The following CLDN15 variants were observed in gnomAD, a reference collection of about 807,000 sequenced individuals.
The protein encoded by CLDN15 is claudin-15.
CLDN15 carries 9 observed loss-of-function variants against 24.5 expected under a neutral mutation model. The ratio of observed to expected loss-of-function variants is 0.37; its 90% CI spans 0.22 to 0.64. The LOEUF (loss-of-function observed/expected upper bound fraction) is 0.64, where lower values mean the gene tolerates loss of function less well. CLDN15 is among the 30% of genes least tolerant of loss of function. The pLI, the probability that CLDN15 is intolerant of heterozygous loss-of-function variation, is 0.63. For missense variants in CLDN15, 248 were observed against 305.9 expected (o/e 0.81, Z 1.41); for synonymous variants, 149 against 131.4 (o/e 1.13, Z -0.92).
chr7:101,237,930 AGACTTACCCTG>A, upstream of CLDN15: 2 of 352,212 alleles, frequency 5.7e-6, no homozygotes, highest in Non-Finnish European at 5.5e-6. This position sits in a 1 kb window ranked among gnomAD's most constrained non-coding sequence, Gnocchi z 4.0. Context: ...TGGGGGGGGC[AGACTTACCCTG>A]GAGCCACTGA....
chr7:101,236,813 G>A, intron 1 of CLDN15: 1 of 1,291,176 alleles, frequency 7.7e-7, no homozygotes, highest in Non-Finnish European at 1.0e-6. Context: ...TCCCTTCACA[G>A]GGGCCCTTTA....
In CLDN15 at chr7:101,237,271, G is replaced by A; in HGVS notation, c.217+94C>T. 3 of 835,712 alleles carry A rather than the reference G, an allele frequency of 3.6e-6. No individual in the cohort carries two copies. Among genetic ancestry groups the A allele is most frequent in the Admixed American group, 4.0e-5 (2 of 49,602 alleles). 51.8% of individuals were successfully genotyped at this position (835,712 alleles called of 1,614,324 possible). A position where few individuals can be genotyped will look rare whatever the true frequency, so the allele number is the denominator to read the frequency against. Reference sequence around the variant, plus strand: ...TCAGACCCGCAGAGCTTAATTCAGGGCTCCCTGCATCCTCACGGAAGTACC... The same window carrying A: ...TCAGACCCGCAGAGCTTAATTCAGGACTCCCTGCATCCTCACGGAAGTACC... On this transcript the variant is annotated intron_variant, in intron 1 of 4. Transcript: ENST00000308344. This position sits in a 1 kb window ranked among gnomAD's most constrained non-coding sequence, Gnocchi z 4.0.
chr7:101,234,236 C>A (rs202064618), intron 2 of CLDN15, 42 bp downstream of exon 2: 1 of 1,490,330 alleles, frequency 6.7e-7, no homozygotes, highest in Middle Eastern at 1.8e-4. Flanking sequence ...CTGAAGTCTG[C>A]GGTTGAGGGG....
chr7:101,237,819 C>A (rs373647714), upstream of CLDN15: 48 of 563,182 alleles, frequency 8.5e-5, no homozygotes, highest in South Asian at 7.1e-4. The surrounding 1 kb of genome is among the most constrained non-coding windows in gnomAD (Gnocchi z 4.0). Context: ...AGCCTGCGCG[C>A]GGCAGCTGTT....
At chr7:101,236,268 G>GT (rs1798621280) in intron 1 of CLDN15, among the ~76,000 whole-genome samples, 1 of 151,210 alleles carries the variant, frequency 6.6e-6, no homozygotes, top group Non-Finnish European at 1.5e-5. Flanking sequence ...TTTGGGGGGG[G>GT]GGCCCGCCGG....
In CLDN15 at chr7:101,234,264, C is replaced by A. The variant is rs200335801; in HGVS notation, c.382+14G>T. 1 of 1,596,694 alleles carries A rather than the reference C, an allele frequency of 6.3e-7. No homozygotes were observed. Among genetic ancestry groups the A allele is most frequent in the Admixed American group, 1.7e-5 (1 of 59,966 alleles). On this transcript the variant is annotated intron_variant, in intron 2 of 4. Transcript: ENST00000308344. ...TTGAGGGGGACCCCCGCCCCATCAC[C>A]TTCCCCCAGTTACCGGCCAGAATGT...
chr7:101,238,105 A>T, upstream of CLDN15: 1 of 193,956 alleles, frequency 5.2e-6, no homozygotes, highest in Admixed American at 5.3e-5. Context: ...AATAAGGGAC[A>T]GAGACGGAGA....
At chr7:101,232,953 A>C in intron 2 of CLDN15, 39 bp from the exon 3 acceptor site, 2 of 759,386 alleles carry the variant, frequency 2.6e-6, no homozygotes, top group Non-Finnish European at 4.0e-6. Flanking sequence ...GTCCAGGGGG[A>C]GGGATAGTGG....
intron 1 of CLDN15, chr7:101,236,686 G>T: frequency 8.0e-7 from 1 of 1,254,880 alleles, no homozygotes; most frequent in Non-Finnish European, 1.0e-6. Context: ...TGGGCCCAAA[G>T]AGCTGTTGGC....
rs1798644471 is a variant in CLDN15 at position 101,237,214 on chromosome 7, G to A, written c.217+151C>T. 4.6e-6 allele frequency: 3 copies of A among 658,278 alleles called. No homozygotes were observed. Among genetic ancestry groups the A allele is most frequent in the South Asian group, 3.5e-5 (2 of 57,648 alleles). The allele number at this position is 658,278 out of a possible 1,614,324, so 40.8% of individuals were successfully genotyped here. A position where few individuals can be genotyped will look rare whatever the true frequency, so the allele number is the denominator to read the frequency against. ...AGGTCTTCACTCCAGTTCTAGGCAT[G>A]GGCCGCCCCCAGCACTCCTGGCTGC... On this transcript the variant is annotated intron_variant, in intron 1 of 4. Coordinates refer to ENST00000308344, the MANE Select transcript of CLDN15 (RefSeq NM_014343.3). The surrounding 1 kb of genome is among the most constrained non-coding windows in gnomAD (Gnocchi z 4.0).
At chr7:101,237,855 C>T (rs1305321013), upstream of CLDN15, 5 of 479,468 alleles carry the variant, frequency 1.0e-5, no homozygotes, top group African/African-American at 7.8e-5. This position sits in a 1 kb window ranked among gnomAD's most constrained non-coding sequence, Gnocchi z 4.0. Flanking sequence ...ATAACCGAAA[C>T]GGGCCAAAAG....
rs539601708 is a variant in CLDN15 at position 101,237,438 on chromosome 7, G to T, written c.144C>A (p.Leu48=). The change falls in exon 1 of 5, where the codon CTC becomes CTA. Residue 48 remains leucine (L), a synonymous_variant. Coordinates refer to ENST00000308344, the MANE Select transcript of CLDN15 (RefSeq NM_014343.3). The surrounding 1 kb of genome is among the most constrained non-coding windows in gnomAD (Gnocchi z 4.0). The stretch of plus-strand genomic sequence containing the variant: ...GGGAGTCGGTGGCACAGCTAAACCA[G>T]AGGTTCTCGAAGATGGTGTTGGTGG... ...VITTNTIFEN[L]WFSCATDSLG... 1.6e-5 allele frequency: 26 copies of T among 1,613,906 alleles called. No individual in the cohort carries two copies. The South Asian group carries it at 2.1e-4, about 13-fold the overall frequency.
intron 1 of CLDN15, among the ~76,000 whole-genome samples, chr7:101,234,956 C>T (rs976815649): frequency 1.3e-5 from 2 of 152,080 alleles, no homozygotes; most frequent in Non-Finnish European, 2.9e-5. Context: ...TTCTGGGGGC[C>T]GTCCTGTGTA....
chr7:101,237,952 C>T (rs1044605650), upstream of CLDN15: 37 of 317,620 alleles, frequency 1.2e-4, no homozygotes, highest in Non-Finnish European at 2.2e-4. The surrounding 1 kb of genome is among the most constrained non-coding windows in gnomAD (Gnocchi z 4.0). Context: ...GAGCCACTGA[C>T]GGATACAGCC....
At position 101,232,961 on chromosome 7, in the gene CLDN15, T is replaced by C. The variant is rs778027446; in HGVS notation, c.383-47A>G. ...CAGTCCAGTCCAGGGGGAGGGATAG[T>C]GGGGGAGGGGGCTTAGGGGAGAGGC... On this transcript the variant is annotated intron_variant, in intron 2 of 4. Transcript: ENST00000308344. The C allele has an allele frequency of 1.2e-5, 8 of 658,290 alleles. No individual in the cohort carries two copies. In the African/African-American group the frequency reaches 2.0e-4, roughly 16 times the overall value. The allele number at this position is 658,290 out of a possible 1,614,324, so 40.8% of individuals were successfully genotyped here. A position where few individuals can be genotyped will look rare whatever the true frequency, so the allele number is the denominator to read the frequency against.
Position 101,232,116 on chromosome 7 carries a change from T to G in CLDN15, c.*294A>C, listed in dbSNP as rs1276311206. ...CTGAACGGTCACAATATGCATTTAT[T>G]AATGAATGTATTTATACACAATACA... On this transcript the variant is annotated 3_prime_UTR_variant, in exon 5 of 5. Coordinates refer to ENST00000308344, the MANE Select transcript of CLDN15 (RefSeq NM_014343.3). 1.0e-5 allele frequency: 3 copies of G among 292,258 alleles called. No individual in the cohort carries two copies. Among genetic ancestry groups the G allele is most frequent in the Non-Finnish European group, 1.9e-5 (3 of 157,628 alleles). The allele number at this position is 292,258 out of a possible 1,614,324, so 18.1% of individuals were successfully genotyped here. A position where few individuals can be genotyped will look rare whatever the true frequency, so the allele number is the denominator to read the frequency against.
At position 101,232,216 on chromosome 7, in the gene CLDN15, A is replaced by C; in HGVS notation, c.*194T>G. On this transcript the variant is annotated 3_prime_UTR_variant, in exon 5 of 5. Transcript: ENST00000308344. Reference sequence around the variant, plus strand: ...GATGAGGGATCCAGCCTCAGAGGGGAGATATGCGACTTCCCAAGAGCAGTT... The same window carrying C: ...GATGAGGGATCCAGCCTCAGAGGGGCGATATGCGACTTCCCAAGAGCAGTT... 2 of 558,954 alleles carry C rather than the reference A, an allele frequency of 3.6e-6. No individual in the cohort carries two copies. Among genetic ancestry groups the C allele is most frequent in the Non-Finnish European group, 6.3e-6 (2 of 315,466 alleles). 34.6% of individuals were successfully genotyped at this position (558,954 alleles called of 1,614,324 possible). A position where few individuals can be genotyped will look rare whatever the true frequency, so the allele number is the denominator to read the frequency against.
Position 101,234,259 on chromosome 7 carries a change from A to G in CLDN15, c.382+19T>C. Reference sequence around the variant, plus strand: ...TGCGGTTGAGGGGGACCCCCGCCCCATCACCTTCCCCCAGTTACCGGCCAG... The same window carrying G: ...TGCGGTTGAGGGGGACCCCCGCCCCGTCACCTTCCCCCAGTTACCGGCCAG... On this transcript the variant is annotated intron_variant, in intron 2 of 4. Transcript: ENST00000308344. The G allele has an allele frequency of 3.1e-6, 5 of 1,589,538 alleles. No homozygotes were observed. The highest frequency in any genetic ancestry group is 4.3e-6 in the Non-Finnish European group (5 of 1,166,412).
intron 1 of CLDN15, among the ~76,000 whole-genome samples, chr7:101,236,006 G>A (rs990846928): frequency 1.3e-5 from 2 of 152,260 alleles, no homozygotes; most frequent in South Asian, 2.1e-4. Flanking sequence ...GTGGAAAAAT[G>A]TAGGCAGAAG....
Sources: allele counts gnomAD v4.1 joint callset (sites outside exome capture counted in the v4.1 genomes callset), GRCh38; gene constraint gnomAD v4.1.1; non-coding constraint Gnocchi (gnomAD v3.1); transcripts MANE v1.5; gene names NCBI Gene and HGNC (gene_info 2026-07-23, HGNC 2026-07-21).